The following SPTB variants were observed in gnomAD, a reference collection of about 807,000 sequenced individuals.
SPTB encodes spectrin beta chain, erythrocytic.
In SPTB, 45 loss-of-function variants were observed where a neutral mutation model predicts 256.2. The ratio of observed to expected loss-of-function variants is 0.18; its 90% CI spans 0.14 to 0.23. SPTB has a LOEUF of 0.23. Ranked by LOEUF, SPTB falls within the 10% of genes least tolerant of loss-of-function variation. The probability of loss-of-function intolerance (pLI) is 1.00; values close to 1 mark genes in which losing one functional copy is unlikely to be tolerated. For missense variants in SPTB, 2,715 were observed against 3,040.4 expected, an observed-to-expected ratio of 0.89 and a Z score of 2.52; for synonymous variants, 1,231 against 1,243.1, an observed-to-expected ratio of 0.99 and a Z score of 0.21.
chr14:64,771,258 C>T (rs1270057964), intron 26 of SPTB, 129 bp from the exon 27 acceptor site: 28 of 1,428,424 alleles, frequency 2.0e-5, no homozygotes, highest in Middle Eastern at 1.9e-4. Context: ...GTAGGATCTT[C>T]AGCCTCCACC....
intron 26 of SPTB, among the ~76,000 whole-genome samples, chr14:64,771,390 C>T (rs896479668): frequency 6.6e-6 from 1 of 152,216 alleles, no homozygotes; most frequent in African/African-American, 2.4e-5. Context: ...CTCAACAATA[C>T]ACTAATGAGA....
At position 64,806,325 on chromosome 14, in the gene SPTB, G is replaced by A. The variant is rs1179428621; in HGVS notation, c.149-1235C>T. Among the ~76,000 whole-genome samples, 1 of 152,166 alleles carries A rather than the reference G, an allele frequency of 6.6e-6. No homozygotes were observed. The highest frequency in any genetic ancestry group is 1.5e-5 in the Non-Finnish European group (1 of 68,030). The stretch of plus-strand genomic sequence containing the variant: ...AAGATTCAGGGAAGGAGGTGACTTG[G>A]CAGTGAGGCTGGGCCTGAGGGTTGT... On this transcript the variant is annotated intron_variant, in intron 2 of 35. Coordinates refer to ENST00000644917, the MANE Select transcript of SPTB (RefSeq NM_001355436.2). The surrounding 1 kb of genome is among the most constrained non-coding windows in gnomAD (Gnocchi z 4.1).
rs768041216 is a variant in SPTB at position 64,786,857 on chromosome 14, T to C, written c.3108A>G (p.Gln1036=). The change falls in exon 16 of 36, where the codon CAA becomes CAG. Residue 1036 remains glutamine (Q), a synonymous_variant. Transcript: ENST00000644917. The surrounding 1 kb of genome is among the most constrained non-coding windows in gnomAD (Gnocchi z 5.6). The stretch of plus-strand genomic sequence containing the variant: ...CCTGCCACAGCTCCTCCAAGTGTTT[T>C]TGCCGCTGACCAATATCCTCCTTCT... The part of the protein sequence containing the change: ...PEQKEDIGQR[Q]KHLEELWQGL... 1.9e-6 allele frequency: 3 copies of C among 1,613,402 alleles called. No homozygotes were observed. The highest frequency in any genetic ancestry group is 2.2e-5 in the East Asian group (1 of 44,870).
chr14:64,773,099 T>G, intron 25 of SPTB, 121 bp downstream of exon 25: 20 of 1,545,170 alleles, frequency 1.3e-5, no homozygotes, highest in Non-Finnish European at 1.8e-5. Context: ...CTGCATCGGC[T>G]GGTCCCGCCT....
At chr14:64,750,897 A>G (rs962256236) in intron 33 of SPTB, among the ~76,000 whole-genome samples, 13 of 145,944 alleles carry the variant, frequency 8.9e-5, no homozygotes, top group Admixed American at 7.6e-4. Context: ...TTTATATGAA[A>G]TATATAAATA....
chr14:64,765,502 C>T (rs140530563), intron 32 of SPTB, among the ~76,000 whole-genome samples: 49 of 152,274 alleles, frequency 3.2e-4, no homozygotes, highest in Non-Finnish European at 4.6e-4. Context: ...CTGTCTTGGG[C>T]TCTCCCTGTC....
chr14:64,835,986 G>T (rs570673447), intron 1 of SPTB, among the ~76,000 whole-genome samples: 1 of 152,316 alleles, frequency 6.6e-6, no homozygotes, highest in East Asian at 1.9e-4. Context: ...CTGTGGGAGA[G>T]ACTGGTGGGG....
chr14:64,803,519 C>T, intron 4 of SPTB, 88 bp downstream of exon 4: 3 of 1,535,994 alleles, frequency 2.0e-6, no homozygotes, highest in Non-Finnish European at 2.7e-6. Flanking sequence ...GCACTAACAC[C>T]CACACTCTGT....
chr14:64,788,403 G>A (rs1012126038), intron 15 of SPTB, among the ~76,000 whole-genome samples: 3 of 152,212 alleles, frequency 2.0e-5, no homozygotes, highest in African/African-American at 7.2e-5. Flanking sequence ...TGAAAGGTCT[G>A]CAGAGAGATA....
chr14:64,765,174 C>T (rs370727710), intron 32 of SPTB, among the ~76,000 whole-genome samples: 6 of 152,224 alleles, frequency 3.9e-5, no homozygotes, highest in African/African-American at 1.4e-4. Flanking sequence ...GTACCAGAAA[C>T]TTCCATGTGG....
intron 15 of SPTB, among the ~76,000 whole-genome samples, chr14:64,787,624 G>A (rs190748732): frequency 1.9e-4 from 29 of 152,334 alleles, no homozygotes; most frequent in African/African-American, 7.0e-4. Context: ...GCCTGAAAGA[G>A]ATCACCTTGG....
chr14:64,864,468 A>C (rs1594855539), intron 1 of SPTB, among the ~76,000 whole-genome samples: 1 of 152,210 alleles, frequency 6.6e-6, no homozygotes, highest in East Asian at 1.9e-4. Context: ...AAAATGAAAG[A>C]GGTAAACCTC....
At position 64,803,715 on chromosome 14, in the gene SPTB, G is replaced by A; in HGVS notation, c.366C>T (p.Phe122=). 6.2e-7 allele frequency: 1 copy of A among 1,614,162 alleles called. No homozygotes were observed. The highest frequency in any genetic ancestry group is 8.5e-7 in the Non-Finnish European group (1 of 1,180,036). Residue 122 remains phenylalanine, a synonymous_variant, in exon 4 of 36, where the codon TTC becomes TTT. Coordinates refer to ENST00000644917, the MANE Select transcript of SPTB (RefSeq NM_001355436.2). ...CLENVDKALQ[F]LKEQRVHLEN... Reference sequence around the variant, plus strand: ...CCAGGTGTACACGCTGCTCCTTGAGGAACTGGAGAGCCTTGTCCACATTCT... The same window carrying A: ...CCAGGTGTACACGCTGCTCCTTGAGAAACTGGAGAGCCTTGTCCACATTCT...
At chr14:64,794,443 A>T (rs1216775637) in intron 13 of SPTB, 24 bp downstream of exon 13, 3 of 1,614,056 alleles carry the variant, frequency 1.9e-6, no homozygotes, top group Non-Finnish European at 2.5e-6. Context: ...GAAGCCTCAA[A>T]AGGGGAGACA....
Position 64,796,720 on chromosome 14 carries a change from A to C in SPTB, c.1183-5T>G, listed in dbSNP as rs747806103. On this transcript the variant is annotated splice_polypyrimidine_tract_variant and splice_region_variant and intron_variant, in intron 10 of 35. Transcript: ENST00000644917. This position sits in a 1 kb window ranked among gnomAD's most constrained non-coding sequence, Gnocchi z 4.1. ...TTCCTCCAGGCTTTCCCAGGCCTGC[A>C]CAAAGGATGGAATGAGAATTCTTGG... The C allele has an allele frequency of 6.2e-7, 1 of 1,614,164 alleles. No individual in the cohort carries two copies. The highest frequency in any genetic ancestry group is 1.1e-5 in the South Asian group (1 of 91,084).
intron 1 of SPTB, among the ~76,000 whole-genome samples, chr14:64,832,658 G>C (rs2083467005): frequency 6.6e-6 from 1 of 152,076 alleles, no homozygotes; most frequent in South Asian, 2.1e-4. Context: ...ACCCCCAGTG[G>C]AATCTATCCT....
chr14:64,878,752 T>G (rs1401649259), intron 1 of SPTB, among the ~76,000 whole-genome samples: 1 of 152,120 alleles, frequency 6.6e-6, no homozygotes, highest in Non-Finnish European at 1.5e-5. Flanking sequence ...AAATTCTCAG[T>G]ACAAAAAGGC....
rs768305207 is a variant in SPTB, at chr14:64,859,710, CTCTCTCTCTCTATATA to C, written c.-52+20066_-52+20081del. On this transcript the variant is annotated intron_variant, in intron 1 of 35. Transcript: ENST00000644917. ...TCTCTCTCTGTCTCTCTCTCTCTCTCTCTCTCTCTCTATATATATATATATATGCATATAATTAGTA... is the reference window on the plus strand; with the variant it reads ...TCTCTCTCTGTCTCTCTCTCTCTCTCTATATATATATGCATATAATTAGTA... Among the ~76,000 whole-genome samples the C allele has an allele frequency of 4.0e-3, 114 of 28,664 alleles. 1 individual carries two copies. Among genetic ancestry groups the C allele is most frequent in the Non-Finnish European group, 0.019 (82 of 4,274 alleles). 18.8% of individuals were successfully genotyped at this position (28,664 alleles called of 152,430 possible). A position where few individuals can be genotyped will look rare whatever the true frequency, so the allele number is the denominator to read the frequency against.
At chr14:64,865,424 G>A (rs1019473137) in intron 1 of SPTB, among the ~76,000 whole-genome samples, 4 of 152,026 alleles carry the variant, frequency 2.6e-5, no homozygotes, top group South Asian at 2.1e-4. Flanking sequence ...CTCACTCCCA[G>A]CATATTTAGA....
Sources: allele counts gnomAD v4.1 joint callset (sites outside exome capture counted in the v4.1 genomes callset), GRCh38; gene constraint gnomAD v4.1.1; non-coding constraint Gnocchi (gnomAD v3.1); transcripts MANE v1.5; gene names NCBI Gene and HGNC (gene_info 2026-07-23, HGNC 2026-07-21).